The following FGF14 variants were observed in gnomAD, a reference collection of about 807,000 sequenced individuals.
FGF14 encodes the protein fibroblast growth factor 14.
A neutral mutation model predicts 25.5 loss-of-function variants in FGF14; 5 were observed. The ratio of observed to expected loss-of-function variants is 0.20; its 90% CI spans 0.10 to 0.41. The LOEUF is 0.41. Among genes scored for constraint, FGF14 ranks in the 10% least tolerant of loss-of-function variants. The pLI is 1.00. For missense variants in FGF14, 222 were observed against 320.1 expected, an observed-to-expected ratio of 0.69 and a Z score of 2.34; for synonymous variants, 138 against 118.3, an observed-to-expected ratio of 1.17 and a Z score of -1.08.
intron 1 of FGF14, among the ~76,000 whole-genome samples, chr13:102,098,410 G>A (rs182147528): frequency 1.2e-3 from 179 of 152,256 alleles, no homozygotes; most frequent in African/African-American, 3.9e-3. Flanking sequence ...TAAAATATAA[G>A]TATCAACTTT....
intron 3 of FGF14, among the ~76,000 whole-genome samples, chr13:101,858,664 T>C (rs2140400517): frequency 6.6e-6 from 1 of 152,224 alleles, no homozygotes; most frequent in African/African-American, 2.4e-5. Flanking sequence ...CTATTTACAG[T>C]AGTTTATATA....
At position 101,981,045 on chromosome 13, in the gene FGF14, C is replaced by T. The variant is rs1010124485; in HGVS notation, c.209-105749G>A. ...TTGCCTGAGTTCAGGAGTTTCAGAC[C>T]AGCCTGGGCAACATGGTGAAACCTC... On this transcript the variant is annotated intron_variant, in intron 1 of 4. Coordinates refer to the FGF14 transcript ENST00000376131. 2.0e-5 allele frequency among the ~76,000 whole-genome samples: 3 copies of T among 148,896 alleles called. No homozygotes were observed. The East Asian group carries it at 6.1e-4, about 30-fold the overall frequency.
Position 101,982,213 on chromosome 13 carries a change from TCA to T in FGF14, c.209-106919_209-106918del, listed in dbSNP as rs149760439. Among the ~76,000 whole-genome samples, 1,228 of 152,320 alleles carry T rather than the reference TCA, an allele frequency of 8.1e-3. 11 individuals are homozygous for T. The highest frequency in any genetic ancestry group is 0.028 in the African/African-American group (1,173 of 41,566). ...TGCTTGTTTGATATAAATTGCTCCA[TCA>T]CAGTTACAGAACATACTAAATATAT... On this transcript the variant is annotated intron_variant, in intron 1 of 4. Coordinates refer to the FGF14 transcript ENST00000376131.
intron 1 of FGF14, among the ~76,000 whole-genome samples, chr13:102,129,705 G>A (rs181065432): frequency 3.9e-4 from 60 of 152,094 alleles, no homozygotes; most frequent in Admixed American, 2.5e-3. Flanking sequence ...GGGTAGGGGG[G>A]AGGGATAGCA....
chr13:102,094,587 C>A (rs1053446638), intron 1 of FGF14, among the ~76,000 whole-genome samples: 6 of 152,176 alleles, frequency 3.9e-5, no homozygotes, highest in Admixed American at 2.0e-4. Context: ...GGATAGGTTA[C>A]CCCTACTGTT....
rs1283663422 is a variant in FGF14 at position 101,750,113 on chromosome 13, C to G, written c.409-23303G>C. Among the ~76,000 whole-genome samples, 3 of 152,162 alleles carry G rather than the reference C, an allele frequency of 2.0e-5. No homozygotes were observed. The East Asian group carries it at 5.8e-4, about 29-fold the overall frequency. ...TCTTCCAGCACTTTGATCTGGAGTT[C>G]CCAGCCTCCAGAACTGTGAGACATA... On this transcript the variant is annotated intron_variant, in intron 3 of 4. Transcript: ENST00000376143.
At chr13:101,935,889 C>T (rs999465397) in intron 1 of FGF14, among the ~76,000 whole-genome samples, 13 of 152,144 alleles carry the variant, frequency 8.5e-5, no homozygotes, top group African/African-American at 3.1e-4. Context: ...GCATTAAATG[C>T]ATCATATTTT....
chr13:102,144,646 G>A (rs1240896912), intron 1 of FGF14, among the ~76,000 whole-genome samples: 2 of 152,066 alleles, frequency 1.3e-5, no homozygotes, highest in African/African-American at 4.8e-5. Flanking sequence ...GTACATCTGA[G>A]TTGTAGAGAA....
rs115718242 is a variant in FGF14 at position 102,362,420 on chromosome 13, G to A, written c.208+39051C>T. Among the ~76,000 whole-genome samples, 1,492 of 152,180 alleles carry A rather than the reference G, an allele frequency of 9.8e-3. 27 individuals are homozygous for A. The highest frequency in any genetic ancestry group is 0.035 in the African/African-American group (1,436 of 41,516). ...CTCCACCAAACTGAATTCAGTAAAT[G>A]TTTAATGAGCATAATTCAAGGTAAG... On this transcript the variant is annotated intron_variant, in intron 1 of 4. Transcript: ENST00000376131.
chr13:101,884,079 A>AAAAAAAAAAC (rs2045866697), intron 1 of FGF14, among the ~76,000 whole-genome samples: 1 of 149,306 alleles, frequency 6.7e-6, no homozygotes, highest in Admixed American at 6.7e-5. Flanking sequence ...AAAAAAAAAA[A>AAAAAAAAAAC]AAAAAAAAGA....
intron 1 of FGF14, among the ~76,000 whole-genome samples, chr13:102,173,906 A>G (rs571952752): frequency 6.2e-4 from 94 of 152,220 alleles, no homozygotes; most frequent in Non-Finnish European, 1.2e-3. Flanking sequence ...ACTCTCACCA[A>G]TGCTATTCAG....
intron 1 of FGF14, among the ~76,000 whole-genome samples, chr13:101,886,187 T>C (rs906907128): frequency 1.3e-5 from 2 of 152,198 alleles, no homozygotes; most frequent in Non-Finnish European, 2.9e-5. Flanking sequence ...TAGTAATTTA[T>C]ATGATGTCAC....
chr13:102,208,587 T>C (rs937181513), intron 1 of FGF14, among the ~76,000 whole-genome samples: 5 of 152,216 alleles, frequency 3.3e-5, no homozygotes, highest in Admixed American at 2.0e-4. Flanking sequence ...AAGGAATATG[T>C]GTGCTTGTGT....
At chr13:102,243,303 T>G (rs186851211) in intron 1 of FGF14, among the ~76,000 whole-genome samples, 19 of 152,206 alleles carry the variant, frequency 1.2e-4, no homozygotes, top group African/African-American at 4.3e-4. Context: ...ACAGAAGAAA[T>G]TGACTTGTTC....
intron 1 of FGF14, among the ~76,000 whole-genome samples, chr13:102,378,602 T>G (rs1169740240): frequency 1.6e-5 from 2 of 128,696 alleles, no homozygotes; most frequent in South Asian, 2.4e-4. Flanking sequence ...TCTATATCTA[T>G]CTATCTATCT....
intron 1 of FGF14, among the ~76,000 whole-genome samples, chr13:102,268,092 T>C (rs992820279): frequency 6.6e-6 from 1 of 152,194 alleles, no homozygotes. Flanking sequence ...ATAAAATTTA[T>C]TCTGAATAGA....
intron 3 of FGF14, among the ~76,000 whole-genome samples, chr13:101,855,223 T>G (rs537875999): frequency 3.9e-5 from 6 of 152,152 alleles, no homozygotes; most frequent in Admixed American, 6.6e-5. Flanking sequence ...ACTCTGGGCT[T>G]TGGGTTTCCT....
intron 1 of FGF14, among the ~76,000 whole-genome samples, chr13:102,143,536 G>A (rs1479215156): frequency 6.6e-6 from 1 of 151,976 alleles, no homozygotes; most frequent in Non-Finnish European, 1.5e-5. Context: ...TCTCCCTGAG[G>A]GGAAAAAAAT....
chr13:101,969,872 T>C (rs2037489547), intron 1 of FGF14, among the ~76,000 whole-genome samples: 1 of 152,316 alleles, frequency 6.6e-6, no homozygotes, highest in South Asian at 2.1e-4. Flanking sequence ...ATCTTGACAA[T>C]GAGTGCCTTT....
Sources: gnomAD v4.1 joint callset for allele counts (sites outside exome capture counted in the v4.1 genomes callset) on GRCh38, gnomAD v4.1.1 for gene constraint, MANE v1.5 for transcripts, NCBI Gene and HGNC (gene_info 2026-07-23, HGNC 2026-07-21) for gene names.